FAM193A: variants seen among roughly 807,000 people sequenced by gnomAD.
The protein encoded by FAM193A is protein FAM193A.
Under a neutral mutation model 126.5 loss-of-function variants are expected in FAM193A, and 22 were observed. That is an observed-to-expected ratio of 0.17 (90% CI 0.12 to 0.25). The LOEUF is 0.25. FAM193A is among the 10% of genes least tolerant of loss of function. The pLI, the probability that FAM193A is intolerant of heterozygous loss-of-function variation, is 1.00. For missense variants in FAM193A, 1,675 were observed against 1,672.8 expected, an observed-to-expected ratio of 1.00 and a Z score of -0.02; for synonymous variants, 761 against 646.8, an observed-to-expected ratio of 1.18 and a Z score of -2.68.
Position 2,662,921 on chromosome 4 carries a change from T to C in FAM193A, c.1829T>C (p.Val610Ala). The C allele has an allele frequency of 6.2e-7, 1 of 1,613,096 alleles. No individual in the cohort carries two copies. The highest frequency in any genetic ancestry group is 8.5e-7 in the Non-Finnish European group (1 of 1,179,228). Residue 610 changes from valine (V) to alanine (A), a missense_variant, in exon 11 of 21, where the codon GTG becomes GCG. By Grantham distance (64) the Val-to-Ala change is moderately conservative. Around this residue, in one of 4 missense-constraint regions of FAM193A, gnomAD observed 1,186 missense variants for 1,109.2 expected, o/e 1.07. Transcript: ENST00000637812. ...TTGAGTAATTATGATGATACCGAGG[T>C]GGTGGCCAACATGAATGGAATCCAC... ...YPLSNYDDTE[V>A]VANMNGIHSE...
chr4:2,616,915 C>T (rs1386035978), intron 2 of FAM193A, among the ~76,000 whole-genome samples: 1 of 146,550 alleles, frequency 6.8e-6, no homozygotes, highest in African/African-American at 2.5e-5. Context: ...TCGCCTGTAA[C>T]CCCAGCACTT....
intron 2 of FAM193A, among the ~76,000 whole-genome samples, chr4:2,618,676 A>G (rs539815396): frequency 2.1e-5 from 3 of 145,656 alleles, no homozygotes; most frequent in South Asian, 4.4e-4. Flanking sequence ...TCTCACTGCA[A>G]CCTCCTCCTC....
At chr4:2,629,592 C>G (rs2108993091) in intron 4 of FAM193A, among the ~76,000 whole-genome samples, 2 of 152,198 alleles carry the variant, frequency 1.3e-5, no homozygotes, top group Middle Eastern at 3.4e-3. Flanking sequence ...ACTTTCTTTT[C>G]TTTTGACATA....
At chr4:2,722,706 G>A (rs1249036416) in intron 20 of FAM193A, among the ~76,000 whole-genome samples, 1 of 152,192 alleles carries the variant, frequency 6.6e-6, no homozygotes. Flanking sequence ...AGGCAAGAAC[G>A]CTGTTGGGCA....
intron 7 of FAM193A, among the ~76,000 whole-genome samples, chr4:2,651,389 A>G (rs1365520995): frequency 6.6e-6 from 1 of 152,154 alleles, no homozygotes; most frequent in African/African-American, 2.4e-5. Context: ...TAAAGAACAG[A>G]GATTTCATTG....
chr4:2,704,428 G>A (rs187893804), intron 19 of FAM193A, among the ~76,000 whole-genome samples: 1 of 152,088 alleles, frequency 6.6e-6, no homozygotes, highest in East Asian at 1.9e-4. Context: ...AGTCGGGTGT[G>A]GTGGCACTCA....
At chr4:2,616,078 G>A (rs1742165834) in intron 2 of FAM193A, among the ~76,000 whole-genome samples, 1 of 152,222 alleles carries the variant, frequency 6.6e-6, no homozygotes, top group Non-Finnish European at 1.5e-5. Context: ...TTGGGTTAAG[G>A]CTTGAGCCAC....
chr4:2,658,335 A>G (rs1432361846), intron 8 of FAM193A, among the ~76,000 whole-genome samples: 1 of 152,100 alleles, frequency 6.6e-6, no homozygotes, highest in East Asian at 1.9e-4. Context: ...CCATGCCTTC[A>G]ACATGGCAGC....
At chr4:2,726,086 A>T (rs1396096128) in intron 20 of FAM193A, among the ~76,000 whole-genome samples, 5 of 151,950 alleles carry the variant, frequency 3.3e-5, no homozygotes, top group African/African-American at 1.2e-4. Context: ...TTTTTAGTAG[A>T]GACGGGGTTT....
chr4:2,588,874 T>C (rs1156618311), intron 1 of FAM193A, among the ~76,000 whole-genome samples: 1 of 152,206 alleles, frequency 6.6e-6, no homozygotes, highest in Non-Finnish European at 1.5e-5. Context: ...TATTTGACCT[T>C]AGTAGATTAA....
intron 1 of FAM193A, among the ~76,000 whole-genome samples, chr4:2,560,772 A>G (rs913002853): frequency 1.3e-5 from 2 of 151,956 alleles, no homozygotes; most frequent in Non-Finnish European, 2.9e-5. Context: ...TTTCCTTTGT[A>G]TTCAGATTGT....
intron 1 of FAM193A, among the ~76,000 whole-genome samples, chr4:2,590,474 A>AC (rs1740477708): frequency 2.6e-5 from 2 of 78,186 alleles, no homozygotes; most frequent in Non-Finnish European, 4.7e-5. Context: ...AAAAAAAAAA[A>AC]ACAAAAAAAA....
intron 12 of FAM193A, among the ~76,000 whole-genome samples, chr4:2,664,731 T>C (rs1002596403): frequency 6.6e-6 from 1 of 151,854 alleles, no homozygotes; most frequent in Non-Finnish European, 1.5e-5. Flanking sequence ...GCCCGGCTAA[T>C]TTTTTGTATT....
At chr4:2,694,869 G>C in intron 16 of FAM193A, 77 bp from the exon 17 acceptor site, 1 of 1,270,016 alleles carries the variant, frequency 7.9e-7, no homozygotes, top group Non-Finnish European at 1.1e-6. Context: ...CAGGACAGTG[G>C]GTGGTCATGT....
chr4:2,580,513 A>G (rs1739858789), intron 1 of FAM193A, among the ~76,000 whole-genome samples: 1 of 151,788 alleles, frequency 6.6e-6, no homozygotes, highest in South Asian at 2.1e-4. Context: ...CCCACCCCCC[A>G]TTTTGGAGCT....
chr4:2,615,675 C>T (rs770348407), intron 2 of FAM193A, among the ~76,000 whole-genome samples: 88 of 151,914 alleles, frequency 5.8e-4, no homozygotes, highest in Admixed American at 7.2e-4. Flanking sequence ...TGCGCCACCA[C>T]GCCCAGGTAA....
At chr4:2,556,047 C>T (rs1738239443) in intron 1 of FAM193A, among the ~76,000 whole-genome samples, 1 of 151,682 alleles carries the variant, frequency 6.6e-6, no homozygotes, top group African/African-American at 2.4e-5. Flanking sequence ...CAGGCATGTG[C>T]CACCACGCCT....
intron 18 of FAM193A, 81 bp downstream of exon 18, chr4:2,696,674 G>A (rs756524700): frequency 2.9e-4 from 324 of 1,109,242 alleles, no homozygotes; most frequent in Non-Finnish European, 4.1e-4. Context: ...CTCTAGGCAG[G>A]GCTGAGCCAC....
At chr4:2,605,202 A>G (rs975817307) in intron 2 of FAM193A, among the ~76,000 whole-genome samples, 1 of 152,040 alleles carries the variant, frequency 6.6e-6, no homozygotes, top group African/African-American at 2.4e-5. Context: ...CAGGTCAAAA[A>G]TCAAGCGTTG....
Sources: gnomAD v4.1 joint callset for allele counts (sites outside exome capture counted in the v4.1 genomes callset) on GRCh38, gnomAD v4.1.1 for gene constraint, gnomAD v4.1.1 regional missense constraint, MANE v1.5 for transcripts, NCBI Gene and HGNC (gene_info 2026-07-23, HGNC 2026-07-21) for gene names.